OR51B5: variants seen among roughly 807,000 people sequenced by gnomAD.
The protein encoded by OR51B5 is olfactory receptor family 51 subfamily B member 5, also known as olfactory receptor 51B5.
For missense variants in OR51B5, 456 were observed against 374.6 expected (o/e 1.22, Z -1.79); for synonymous variants, 186 against 144.8 (o/e 1.28, Z -2.04).
intron 1 of OR51B5, among the ~76,000 whole-genome samples, chr11:5,408,578 A>G (rs780638023): frequency 6.6e-6 from 1 of 152,172 alleles, no homozygotes; most frequent in Non-Finnish European, 1.5e-5. Context: ...CTGGTCTGGC[A>G]CTCACAGCTA....
chr11:5,493,965 C>A lies in OR51B5; in HGVS notation n.84+11604G>T, dbSNP rs573727529. Among the ~76,000 whole-genome samples the A allele has an allele frequency of 2.6e-5, 4 of 152,254 alleles. No individual in the cohort carries two copies. In the South Asian group the frequency reaches 8.3e-4, roughly 32 times the overall value. On this transcript the variant is annotated intron_variant and non_coding_transcript_variant, in intron 1 of 4. Transcript: ENST00000415970. ...TGTTTTAACCAGTATATCTAGGATA[C>A]AACCAATATTAAGACTTGATACTTT...
At chr11:5,438,355 A>AC (rs35674866) in intron 1 of OR51B5, among the ~76,000 whole-genome samples, 20,782 of 149,662 alleles carry the variant, frequency 0.14, 1,492 homozygotes, top group East Asian at 0.26. Context: ...TCATAGCAAC[A>AC]CCCCCCCCCA....
intron 1 of OR51B5, among the ~76,000 whole-genome samples, chr11:5,348,735 C>A (rs1849031812): frequency 1.3e-5 from 2 of 152,120 alleles, no homozygotes; most frequent in African/African-American, 4.8e-5. Flanking sequence ...GTGGGTGGGT[C>A]TGCCTCTCCC....
At chr11:5,431,058 G>A in intron 1 of OR51B5, 2 of 453,612 alleles carry the variant, frequency 4.4e-6, no homozygotes, top group South Asian at 1.6e-5. Flanking sequence ...GATCTGAGTG[G>A]AGGCAGTAGG....
intron 1 of OR51B5, among the ~76,000 whole-genome samples, chr11:5,348,725 G>C (rs1470779503): frequency 6.6e-6 from 1 of 152,102 alleles, no homozygotes; most frequent in Non-Finnish European, 1.5e-5. Context: ...CAGACGGAGG[G>C]TGGGTGGGTC....
intron 1 of OR51B5, among the ~76,000 whole-genome samples, chr11:5,366,492 G>C (rs1231062281): frequency 6.6e-6 from 1 of 151,938 alleles, no homozygotes; most frequent in African/African-American, 2.4e-5. Flanking sequence ...GCCTGTAATT[G>C]CAGCTACACA....
At chr11:5,400,162 C>A (rs1328367895) in intron 1 of OR51B5, among the ~76,000 whole-genome samples, 2 of 152,142 alleles carry the variant, frequency 1.3e-5, no homozygotes, top group African/African-American at 4.8e-5. Context: ...CTGAATTTCC[C>A]TGCCCTACAT....
chr11:5,345,013 G>T (rs892746028), upstream of OR51B5, among the ~76,000 whole-genome samples: 11 of 152,088 alleles, frequency 7.2e-5, no homozygotes. Flanking sequence ...CTGTTCCAGA[G>T]GGAAAATCAG....
At chr11:5,377,089 G>C (rs1297656022) in intron 1 of OR51B5, among the ~76,000 whole-genome samples, 1 of 152,106 alleles carries the variant, frequency 6.6e-6, no homozygotes, top group African/African-American at 2.4e-5. Context: ...GAATCCAGCA[G>C]CACATCAAAA....
At chr11:5,410,059 AAAG>A (rs1018390712) in intron 1 of OR51B5, among the ~76,000 whole-genome samples, 2 of 152,182 alleles carry the variant, frequency 1.3e-5, no homozygotes, top group African/African-American at 4.8e-5. Context: ...ATGAAAAAGT[AAAG>A]AAGTTTTCAG....
At chr11:5,382,251 C>T (rs1400796021) in intron 1 of OR51B5, among the ~76,000 whole-genome samples, 1 of 152,174 alleles carries the variant, frequency 6.6e-6, no homozygotes, top group Non-Finnish European at 1.5e-5. Flanking sequence ...AACAACTTTT[C>T]CTCACCTCCA....
intron 1 of OR51B5, among the ~76,000 whole-genome samples, chr11:5,418,660 T>C (rs1850278595): frequency 6.6e-6 from 1 of 150,492 alleles, no homozygotes; most frequent in Non-Finnish European, 1.5e-5. Flanking sequence ...TTCTCATTCA[T>C]AATTGGTAGT....
chr11:5,388,486 A>G (rs1387480683), intron 1 of OR51B5, among the ~76,000 whole-genome samples: 1 of 150,508 alleles, frequency 6.6e-6, no homozygotes, highest in Admixed American at 6.7e-5. Context: ...AGGGAAAGCT[A>G]TTTCAGGAAA....
chr11:5,364,809 C>G (rs768427741), intron 1 of OR51B5, among the ~76,000 whole-genome samples: 3 of 152,174 alleles, frequency 2.0e-5, no homozygotes, highest in Non-Finnish European at 4.4e-5. Context: ...TCTGGATATG[C>G]TGAAGCCAAC....
At chr11:5,371,331 A>G in intron 1 of OR51B5, among the ~76,000 whole-genome samples, 1 of 152,108 alleles carries the variant, frequency 6.6e-6, no homozygotes, top group Non-Finnish European at 1.5e-5. Context: ...TATAATTCTC[A>G]TTCTCTGTGG....
Position 5,487,132 on chromosome 11 carries a change from G to C in OR51B5, n.84+18437C>G, listed in dbSNP as rs1851509663. On this transcript the variant is annotated intron_variant and non_coding_transcript_variant, in intron 1 of 4. Transcript: ENST00000415970. The stretch of plus-strand genomic sequence containing the variant: ...TCAAGGGACATGAGACCTAATCATA[G>C]TTCTGCAAATAAAATGCCTCGTGAT... Among the ~76,000 whole-genome samples the C allele has an allele frequency of 5.9e-5, 9 of 152,276 alleles. No homozygotes were observed. In the South Asian group the frequency reaches 1.9e-3, roughly 32 times the overall value.
chr11:5,470,139 C>T (rs7107201), intron 1 of OR51B5, among the ~76,000 whole-genome samples: 236 of 152,246 alleles, frequency 1.6e-3, no homozygotes, highest in African/African-American at 5.6e-3. Flanking sequence ...TATTCCTTTC[C>T]TCAGAAGAAA....
chr11:5,455,865 T>C (rs1850951485), intron 1 of OR51B5: 1 of 152,180 alleles, frequency 6.6e-6, no homozygotes, highest in Non-Finnish European at 1.5e-5. Flanking sequence ...AATATATGTG[T>C]CCTGGCCCAC....
At chr11:5,381,945 C>T (rs1321441617) in intron 1 of OR51B5, among the ~76,000 whole-genome samples, 4 of 152,292 alleles carry the variant, frequency 2.6e-5, no homozygotes, top group Middle Eastern at 3.4e-3. Context: ...TGTTTATCTA[C>T]GTAAAAAGCT....
Sources: allele counts gnomAD v4.1 joint callset (sites outside exome capture counted in the v4.1 genomes callset), GRCh38; gene constraint gnomAD v4.1.1; transcripts MANE v1.5; gene names NCBI Gene and HGNC (gene_info 2026-07-23, HGNC 2026-07-21).